FAM13A: variants seen among roughly 807,000 people sequenced by gnomAD.
The protein encoded by FAM13A is family with sequence similarity 13 member A, also known as protein FAM13A.
FAM13A carries 76 observed loss-of-function variants against 129.6 expected under a neutral mutation model. That is an observed-to-expected ratio of 0.59 (90% CI 0.49 to 0.71). FAM13A has a LOEUF of 0.71. Among genes scored for constraint, FAM13A ranks in the 30% least tolerant of loss-of-function variants. FAM13A has a pLI of 0.00. For missense variants in FAM13A, 1,108 were observed against 1,249.3 expected, an observed-to-expected ratio of 0.89 and a Z score of 1.70; for synonymous variants, 443 against 449.9, an observed-to-expected ratio of 0.98 and a Z score of 0.20.
At chr4:89,032,424 C>T (rs1164312792) in intron 1 of FAM13A, among the ~76,000 whole-genome samples, 2 of 151,988 alleles carry the variant, frequency 1.3e-5, no homozygotes, top group Non-Finnish European at 2.9e-5. Flanking sequence ...TCCCACATAA[C>T]AAAGACAACC....
At chr4:88,786,574 G>T (rs1446522317) in intron 10 of FAM13A, among the ~76,000 whole-genome samples, 1 of 151,988 alleles carries the variant, frequency 6.6e-6, no homozygotes, top group African/African-American at 2.4e-5. Context: ...TTTCTAAATG[G>T]AATATTACAA....
At chr4:88,793,944 A>G (rs1231909234) in intron 8 of FAM13A, among the ~76,000 whole-genome samples, 2 of 152,016 alleles carry the variant, frequency 1.3e-5, no homozygotes, top group Non-Finnish European at 2.9e-5. Context: ...CAAAAGCAAT[A>G]GAGATTTCTT....
chr4:88,842,939 TGAGA>T (rs1280903457), intron 7 of FAM13A, among the ~76,000 whole-genome samples: 2 of 152,190 alleles, frequency 1.3e-5, no homozygotes, highest in African/African-American at 4.8e-5. Context: ...ATCAAAATAC[TGAGA>T]GAAATATCGG....
At chr4:88,953,475 AAAC>A (rs546302279) in intron 4 of FAM13A, among the ~76,000 whole-genome samples, 217 of 152,218 alleles carry the variant, frequency 1.4e-3, no homozygotes, top group African/African-American at 4.3e-3. Context: ...AAACAAACAA[AAAC>A]AACAACAACA....
At position 89,011,244 on chromosome 4, in the gene FAM13A, T is replaced by C. The variant is rs1290925971; in HGVS notation, c.427+9216A>G. Among the ~76,000 whole-genome samples, 3 of 152,186 alleles carry C rather than the reference T, an allele frequency of 2.0e-5. No individual in the cohort carries two copies. In the South Asian group the frequency reaches 6.2e-4, roughly 32 times the overall value. On this transcript the variant is annotated intron_variant, in intron 3 of 23. Coordinates refer to ENST00000264344, the MANE Select transcript of FAM13A (RefSeq NM_014883.4). ...CTTTAAAATCCCATGATGAGTTTCT[T>C]TTTGGAATGATGACAAAGAAAGTAT...
At chr4:89,016,708 C>T (rs1286044011) in intron 3 of FAM13A, among the ~76,000 whole-genome samples, 1 of 152,118 alleles carries the variant, frequency 6.6e-6, no homozygotes, top group Non-Finnish European at 1.5e-5. Context: ...GATTATGGCT[C>T]ACTGCAGCCT....
intron 4 of FAM13A, among the ~76,000 whole-genome samples, chr4:88,961,346 CCTTTTTTTTTT>C (rs1758573279): frequency 1.5e-4 from 13 of 89,326 alleles, no homozygotes; most frequent in African/African-American, 5.7e-4. Flanking sequence ...GTGGAATTTG[CCTTTTTTTTTT>C]TTTTTTTTTT....
Position 88,747,855 on chromosome 4 carries a change from G to C in FAM13A, c.2162-4C>G. 1 of 1,595,286 alleles carries C rather than the reference G, an allele frequency of 6.3e-7. No homozygotes were observed. Among genetic ancestry groups the C allele is most frequent in the Non-Finnish European group, 8.6e-7 (1 of 1,163,920 alleles). On this transcript the variant is annotated splice_region_variant and splice_polypyrimidine_tract_variant and intron_variant, in intron 17 of 23. Coordinates refer to ENST00000264344, the MANE Select transcript of FAM13A (RefSeq NM_014883.4). ...TCAGATATCTTTAGTTTTGATTCTA[G>C]TTGAGAAGATTTGGGGGTAAAGATA...
intron 5 of FAM13A, among the ~76,000 whole-genome samples, chr4:88,912,603 ACCT>A (rs1306848248): frequency 1.5e-5 from 2 of 135,148 alleles, no homozygotes; most frequent in Non-Finnish European, 3.2e-5. Context: ...ACACACACAC[ACCT>A]CCTATTGGTT....
intron 20 of FAM13A, among the ~76,000 whole-genome samples, 174 bp downstream of exon 20, chr4:88,738,856 G>T (rs559425606): frequency 1.3e-5 from 2 of 152,156 alleles, no homozygotes; most frequent in Non-Finnish European, 2.9e-5. Flanking sequence ...GTAGCCTCAG[G>T]GGTCTTTGAT....
chr4:88,935,934 A>AT (rs1465155522), intron 5 of FAM13A, among the ~76,000 whole-genome samples: 1 of 152,158 alleles, frequency 6.6e-6, no homozygotes, highest in Non-Finnish European at 1.5e-5. Context: ...AGTTAAAAAA[A>AT]ATGCATTAAA....
chr4:88,734,770 A>G (rs546016873), intron 21 of FAM13A, among the ~76,000 whole-genome samples: 83 of 152,368 alleles, frequency 5.4e-4, no homozygotes, highest in African/African-American at 1.8e-3. Flanking sequence ...GCAGTGCTGC[A>G]CAACAGTTAC....
chr4:88,917,855 A>C (rs998707259), intron 5 of FAM13A, among the ~76,000 whole-genome samples: 1 of 152,200 alleles, frequency 6.6e-6, no homozygotes. Flanking sequence ...TGTATCTCTG[A>C]TGAACAGCTG....
chr4:88,967,444 T>C (rs934348814), intron 4 of FAM13A, among the ~76,000 whole-genome samples: 1 of 152,244 alleles, frequency 6.6e-6, no homozygotes, highest in African/African-American at 2.4e-5. Context: ...ATCTGCAGTC[T>C]AGATAAAATA....
At chr4:88,882,137 G>C (rs563313254) in intron 6 of FAM13A, among the ~76,000 whole-genome samples, 1 of 152,082 alleles carries the variant, frequency 6.6e-6, no homozygotes, top group Non-Finnish European at 1.5e-5. Context: ...AAGAACATCT[G>C]GGAAATTTAT....
intron 5 of FAM13A, among the ~76,000 whole-genome samples, chr4:88,924,547 A>AT (rs1325496966): frequency 6.6e-6 from 1 of 152,232 alleles, no homozygotes; most frequent in African/African-American, 2.4e-5. Context: ...TTATACAAAA[A>AT]TTAATTCAAG....
intron 3 of FAM13A, among the ~76,000 whole-genome samples, chr4:89,005,194 G>C (rs548772644): frequency 1.3e-5 from 2 of 152,182 alleles, no homozygotes; most frequent in African/African-American, 2.4e-5. Context: ...ATGTTAGTTT[G>C]CTAAGGATAA....
intron 5 of FAM13A, among the ~76,000 whole-genome samples, chr4:88,935,186 T>C (rs144884706): frequency 0.011 from 1,688 of 152,330 alleles, 37 homozygotes; most frequent in African/African-American, 0.038. Flanking sequence ...CATTAGGCTT[T>C]GATAGCCTAT....
chr4:89,024,905 A>C (rs1454589806), intron 2 of FAM13A, among the ~76,000 whole-genome samples: 1 of 152,172 alleles, frequency 6.6e-6, no homozygotes, highest in East Asian at 1.9e-4. Context: ...ATGCATGTGT[A>C]TTATGAAGAT....
Sources: gnomAD v4.1 joint callset for allele counts (sites outside exome capture counted in the v4.1 genomes callset) on GRCh38, gnomAD v4.1.1 for gene constraint, MANE v1.5 for transcripts, NCBI Gene and HGNC (gene_info 2026-07-23, HGNC 2026-07-21) for gene names.